Variants in PBLD observed in about 807,000 individuals in gnomAD.
PBLD encodes the protein phenazine biosynthesis like protein domain containing, also known as phenazine biosynthesis-like domain-containing protein.
PBLD carries 26 observed loss-of-function variants against 31.3 expected under a neutral mutation model. The observed-to-expected ratio is 0.83, with a 90% CI of 0.61 to 1.15. The LOEUF (loss-of-function observed/expected upper bound fraction) is 1.15. Among genes scored for constraint, PBLD ranks in the 50% most tolerant of loss-of-function variants. PBLD has a pLI of 0.00. For synonymous variants in PBLD, 114 were observed against 129.0 expected, an observed-to-expected ratio of 0.88 and a Z score of 0.79; for missense variants, 307 against 351.7, an observed-to-expected ratio of 0.87 and a Z score of 1.02.
At chr10:68,319,699 CGACA>C (rs1295159571) in intron 1 of PBLD, among the ~76,000 whole-genome samples, 2 of 150,992 alleles carry the variant, frequency 1.3e-5, no homozygotes, top group Non-Finnish European at 1.5e-5. Flanking sequence ...CCGGCCAGGG[CGACA>C]GACAAAGACT....
intron 1 of PBLD, among the ~76,000 whole-genome samples, chr10:68,325,507 A>G (rs1192225017): frequency 6.6e-6 from 1 of 152,096 alleles, no homozygotes; most frequent in Non-Finnish European, 1.5e-5. Flanking sequence ...AAAGATTGCA[A>G]TGAGCTGAGA....
chr10:68,306,709 T>C (rs2044583813), intron 2 of PBLD, 52 bp downstream of exon 2: 1 of 1,505,290 alleles, frequency 6.6e-7, no homozygotes, highest in Admixed American at 1.7e-5. Flanking sequence ...AAGTAATTGT[T>C]TCTACAGGAA....
intron 4 of PBLD, among the ~76,000 whole-genome samples, chr10:68,294,010 A>C (rs1424918999): frequency 6.6e-6 from 1 of 152,086 alleles, no homozygotes; most frequent in East Asian, 1.9e-4. Flanking sequence ...AAGACACTCA[A>C]TTTAATTTCA....
intron 1 of PBLD, among the ~76,000 whole-genome samples, chr10:68,323,679 G>T (rs189410062): frequency 6.6e-6 from 1 of 152,148 alleles, no homozygotes; most frequent in Non-Finnish European, 1.5e-5. Context: ...AAGTTTTGGA[G>T]CAATTTGTTA....
At chr10:68,315,109 C>A (rs1051993879) in intron 1 of PBLD, among the ~76,000 whole-genome samples, 4 of 152,116 alleles carry the variant, frequency 2.6e-5, no homozygotes, top group Admixed American at 1.3e-4. Context: ...CTTTATTGAC[C>A]TGAGTCAAAG....
rs191512931 is a variant in PBLD, at chr10:68,290,352, C to T, written c.424-1333G>A. 3.1e-3 allele frequency among the ~76,000 whole-genome samples: 473 copies of T among 152,292 alleles called. 2 individuals carry two copies. Among genetic ancestry groups the T allele is most frequent in the African/African-American group, 0.011 (439 of 41,556 alleles). ...CTCAAGAAATGGGAACTCCTACAGC[C>T]GGATCCCATCTGTTCTCCAGAGCCT... On this transcript the variant is annotated intron_variant, in intron 6 of 9. Coordinates refer to ENST00000358769, the MANE Select transcript of PBLD (RefSeq NM_022129.4).
chr10:68,290,731 G>T (rs1389771453), intron 6 of PBLD, among the ~76,000 whole-genome samples: 3 of 152,264 alleles, frequency 2.0e-5, no homozygotes, highest in East Asian at 1.9e-4. Context: ...AAAAAAAAAG[G>T]TTTAATTCTT....
At position 68,288,996 on chromosome 10, in the gene PBLD, G is replaced by T; in HGVS notation, c.447C>A (p.Val149=). The change falls in exon 7 of 10, where the codon GTC becomes GTA. Residue 149 remains valine, a synonymous_variant. Transcript: ENST00000358769. ...TATCTGGAGAATAACAGATGTCCTG[G>T]ACCAGTGTGTTGCCTATGGCAGTCT... ...LIKTAIGNTL[V]QDICYSPDTQ... 2 of 1,614,076 alleles carry T rather than the reference G, an allele frequency of 1.2e-6. No homozygotes were observed. The highest frequency in any genetic ancestry group is 1.1e-5 in the South Asian group (1 of 91,058).
intron 2 of PBLD, among the ~76,000 whole-genome samples, chr10:68,298,691 C>A (rs2134453147): frequency 6.6e-6 from 1 of 152,028 alleles, no homozygotes; most frequent in Non-Finnish European, 1.5e-5. Context: ...AGTTTCCACA[C>A]CTTTAAGATG....
chr10:68,290,006 A>G (rs10762204), intron 6 of PBLD, among the ~76,000 whole-genome samples: 119,708 of 151,832 alleles, frequency 0.79, 47,793 homozygotes, highest in Non-Finnish European at 0.86. Flanking sequence ...GGTTCACTCT[A>G]CCTGACTGCA....
intron 6 of PBLD, among the ~76,000 whole-genome samples, chr10:68,291,180 C>T (rs1430468931): frequency 6.6e-6 from 1 of 152,186 alleles, no homozygotes; most frequent in Non-Finnish European, 1.5e-5. Context: ...ACACCAAGCC[C>T]CTGGTCATCC....
At chr10:68,307,308 G>T (rs2134478814) in intron 1 of PBLD, among the ~76,000 whole-genome samples, 2 of 152,154 alleles carry the variant, frequency 1.3e-5, no homozygotes, top group Admixed American at 1.3e-4. Flanking sequence ...GAGATTATAG[G>T]CATGAGCCAC....
At chr10:68,298,434 C>T (rs899531389) in intron 2 of PBLD, among the ~76,000 whole-genome samples, 1 of 152,110 alleles carries the variant, frequency 6.6e-6, no homozygotes, top group African/African-American at 2.4e-5. Context: ...GGAGACCAGC[C>T]TGTGCAACAT....
At chr10:68,324,713 C>T (rs140497011) in intron 1 of PBLD, among the ~76,000 whole-genome samples, 6,241 of 151,940 alleles carry the variant, frequency 0.041, 157 homozygotes, top group Non-Finnish European at 0.045. Context: ...CTCACAGGCT[C>T]AAACGATTCT....
At chr10:68,307,053 G>C (rs931145083) in intron 1 of PBLD, 150 bp from the exon 2 acceptor site, 1 of 436,716 alleles carries the variant, frequency 2.3e-6, no homozygotes, top group South Asian at 3.0e-5. Context: ...TTTTGAGATG[G>C]AGTCTTGCTC....
Position 68,296,304 on chromosome 10 carries a change from G to C in PBLD, c.245C>G (p.Ala82Gly). 1 of 1,614,050 alleles carries C rather than the reference G, an allele frequency of 6.2e-7. No individual in the cohort carries two copies. The highest frequency in any genetic ancestry group is 8.5e-7 in the Non-Finnish European group (1 of 1,179,920). Residue 82 changes from alanine to glycine, a missense_variant, in exon 4 of 10, where the codon GCC becomes GGC. Coordinates refer to ENST00000358769, the MANE Select transcript of PBLD (RefSeq NM_022129.4). ...PASEVPLCGH[A>G]TLASAAVLFH... ...CAGCACAGCTGCAGAAGCCAGGGTG[G>C]CATGGCCACAGAGTGGGACCTCACT...
At chr10:68,295,994 A>T (rs914743623) in intron 4 of PBLD, 1 of 265,830 alleles carries the variant, frequency 3.8e-6, no homozygotes, top group African/African-American at 2.2e-5. Context: ...ATGGTTGTCA[A>T]ATTCTTTGTA....
Position 68,318,347 on chromosome 10 carries a change from G to C in PBLD, c.-59-11444C>G, listed in dbSNP as rs903349515. 9.6e-5 allele frequency among the ~76,000 whole-genome samples: 14 copies of C among 145,390 alleles called. No individual in the cohort carries two copies. The South Asian group carries it at 1.6e-3, about 17-fold the overall frequency. On this transcript the variant is annotated intron_variant, in intron 1 of 9. Coordinates refer to ENST00000358769, the MANE Select transcript of PBLD (RefSeq NM_022129.4). ...GAGGCCAGGAGTTCAAAACCAGTCT[G>C]GGTAACACAGCAAGACCCTGCCTCT... is the stretch of plus-strand genomic sequence containing the variant.
intron 6 of PBLD, among the ~76,000 whole-genome samples, chr10:68,290,212 C>T (rs77728892): frequency 0.041 from 6,265 of 152,208 alleles, 162 homozygotes; most frequent in Non-Finnish European, 0.045. Context: ...GCTTCAGGTT[C>T]TCTAATCCTT....
Sources: gnomAD v4.1 joint callset for allele counts (sites outside exome capture counted in the v4.1 genomes callset) on GRCh38, gnomAD v4.1.1 for gene constraint, MANE v1.5 for transcripts, NCBI Gene and HGNC (gene_info 2026-07-23, HGNC 2026-07-21) for gene names.